Variants in IL6ST observed in about 807,000 individuals in gnomAD.
IL6ST encodes interleukin-6 receptor subunit beta.
A neutral mutation model predicts 91.3 loss-of-function variants in IL6ST; 24 were observed. The ratio of observed to expected loss-of-function variants is 0.26; its 90% CI spans 0.19 to 0.37. The LOEUF is 0.37. IL6ST is among the 10% of genes least tolerant of loss of function. IL6ST has a pLI of 1.00. For missense variants in IL6ST, 914 were observed against 1,078.5 expected, an observed-to-expected ratio of 0.85 and a Z score of 2.14; for synonymous variants, 351 against 373.6, an observed-to-expected ratio of 0.94 and a Z score of 0.70.
intron 7 of IL6ST, among the ~76,000 whole-genome samples, chr5:55,960,862 C>A (rs537572964): frequency 6.6e-6 from 1 of 152,188 alleles, no homozygotes; most frequent in East Asian, 1.9e-4. Flanking sequence ...AACTCCTGAC[C>A]TCAAGCAATC....
At chr5:55,974,123 T>G (rs1422421844) in intron 3 of IL6ST, among the ~76,000 whole-genome samples, 1 of 152,186 alleles carries the variant, frequency 6.6e-6, no homozygotes, top group Non-Finnish European at 1.5e-5. Flanking sequence ...GTTACGTAAC[T>G]TTATAAAAAT....
chr5:55,975,329 C>T (rs1397002530), intron 3 of IL6ST, among the ~76,000 whole-genome samples: 1 of 152,154 alleles, frequency 6.6e-6, no homozygotes, highest in Non-Finnish European at 1.5e-5. Context: ...CTTTCTCTCT[C>T]TCTTCCTCCT....
chr5:55,959,740 G>C (rs553373574), intron 8 of IL6ST: 2 of 715,554 alleles, frequency 2.8e-6, no homozygotes, highest in Non-Finnish European at 4.2e-6. Context: ...CTAAGGTGTA[G>C]TTTGCTAGAC....
At chr5:55,987,063 G>A (rs1754016479) in intron 1 of IL6ST, among the ~76,000 whole-genome samples, 1 of 152,218 alleles carries the variant, frequency 6.6e-6, no homozygotes, top group East Asian at 1.9e-4. Context: ...TACTCAGGAG[G>A]CTGAGGTGAG....
rs1485241905 is a variant in IL6ST at position 55,935,887 on chromosome 5, T to C, written c.*5195A>G. 2 of 218,682 alleles carry C rather than the reference T, an allele frequency of 9.1e-6. No individual in the cohort carries two copies. The highest frequency in any genetic ancestry group is 9.2e-6 in the Non-Finnish European group (1 of 109,048). The allele number at this position is 218,682 out of a possible 1,614,324, so 13.5% of individuals were successfully genotyped here. On this transcript the variant is annotated 3_prime_UTR_variant, in exon 17 of 17. Transcript: ENST00000381298. ...CTTTTCCAAAGCAGGATGGACTGTA[T>C]CTATCATACACATTAGGATAAGATG...
chr5:55,942,129 C>T (rs929087626), intron 16 of IL6ST, among the ~76,000 whole-genome samples: 1 of 152,106 alleles, frequency 6.6e-6, no homozygotes, highest in East Asian at 1.9e-4. Context: ...ACCTGAATGA[C>T]AGAGATTTTG....
intron 6 of IL6ST, 82 bp downstream of exon 6, chr5:55,964,064 A>T (rs1053404497): frequency 4.5e-6 from 3 of 668,894 alleles, no homozygotes; most frequent in South Asian, 4.8e-5. Flanking sequence ...TTAAAATCTT[A>T]AAAAATCTAA....
chr5:55,944,851 A>T, intron 15 of IL6ST: 1 of 593,790 alleles, frequency 1.7e-6, no homozygotes, highest in Non-Finnish European at 3.1e-6. Flanking sequence ...GTCTCAATGG[A>T]TCTAGAACTT....
At chr5:55,991,498 T>C (rs527667100) in intron 1 of IL6ST, among the ~76,000 whole-genome samples, 2 of 152,152 alleles carry the variant, frequency 1.3e-5, no homozygotes, top group Non-Finnish European at 2.9e-5. Context: ...AATTTGGACA[T>C]TGATCACCTC....
intron 1 of IL6ST, 120 bp from the exon 2 acceptor site, chr5:55,982,931 A>T (rs1383978398): frequency 2.6e-6 from 1 of 383,754 alleles, no homozygotes; most frequent in African/African-American, 2.1e-5. Flanking sequence ...CCTACTTTAG[A>T]TATGTTCTGA....
intron 3 of IL6ST, among the ~76,000 whole-genome samples, chr5:55,970,371 C>A (rs1752892126): frequency 1.3e-5 from 2 of 152,052 alleles, no homozygotes; most frequent in Admixed American, 1.3e-4. Flanking sequence ...AACAAGATGG[C>A]CAAATAGTTT....
intron 14 of IL6ST, among the ~76,000 whole-genome samples, chr5:55,950,615 T>A (rs1388048528): frequency 6.8e-6 from 1 of 146,314 alleles, no homozygotes; most frequent in African/African-American, 2.5e-5. Flanking sequence ...CTCAGGAGAC[T>A]GTGCTAGCAG....
intron 5 of IL6ST, among the ~76,000 whole-genome samples, chr5:55,967,545 C>T (rs11739016): frequency 0.12 from 18,497 of 151,406 alleles, 1,217 homozygotes; most frequent in Middle Eastern, 0.15. Flanking sequence ...GAAATCAACA[C>T]TAACTGAAAA....
chr5:55,951,058 G>A (rs1182216964), intron 14 of IL6ST, among the ~76,000 whole-genome samples: 2 of 152,144 alleles, frequency 1.3e-5, no homozygotes, highest in African/African-American at 2.4e-5. Flanking sequence ...TGCAGGGGTG[G>A]GGTAGGACCC....
chr5:55,986,473 G>C (rs957127778), intron 1 of IL6ST, among the ~76,000 whole-genome samples: 2 of 152,072 alleles, frequency 1.3e-5, no homozygotes, highest in Non-Finnish European at 2.9e-5. Flanking sequence ...TCATATTTAA[G>C]TGGCATCTTT....
chr5:55,962,495 C>T (rs1752378456), intron 7 of IL6ST, among the ~76,000 whole-genome samples: 1 of 152,160 alleles, frequency 6.6e-6, no homozygotes, highest in Admixed American at 6.5e-5. Context: ...TACAAGCTCC[C>T]TATCAATCCC....
rs1247586811 is a variant in IL6ST at position 55,941,602 on chromosome 5, T to C, written c.2237A>G (p.Glu746Gly). 2 of 1,614,188 alleles carry C rather than the reference T, an allele frequency of 1.2e-6. No individual in the cohort carries two copies. The highest frequency in any genetic ancestry group is 4.5e-5 in the East Asian group (2 of 44,892). ...CGAAGTGTTTTGTGAAGATTCATTT[T>C]CATCACTGCTAGAAATGCTTGGCCT... ...SSRPSISSSD[E>G]NESSQNTSST... Residue 746 changes from glutamate (E) to glycine (G), a missense_variant, in exon 17 of 17, where the codon GAA (glutamate) becomes GGA (glycine). Glu to Gly is a moderately conservative substitution (Grantham distance 98). Coordinates refer to ENST00000381298, the MANE Select transcript of IL6ST (RefSeq NM_002184.4).
At position 55,960,493 on chromosome 5, in the gene IL6ST, T is replaced by C. The variant is rs1752246583; in HGVS notation, c.882A>G (p.Glu294=). Reference sequence around the variant, plus strand: ...TCATACAGCGAATCCTAAACACATATTCTGTAAAAGGTTTAAGGTCTTGGA... The same window carrying C: ...TCATACAGCGAATCCTAAACACATACTCTGTAAAAGGTTTAAGGTCTTGGA... ...FTVQDLKPFT[E]YVFRIRCMKE... is the part of the protein sequence containing the mutation. The change falls in exon 8 of 17, where the codon GAA becomes GAG. Residue 294 remains glutamate, a synonymous_variant. Transcript: ENST00000381298. 15 of 1,613,994 alleles carry C rather than the reference T, an allele frequency of 9.3e-6. No individual in the cohort carries two copies. The highest frequency in any genetic ancestry group is 1.3e-5 in the African/African-American group (1 of 75,046).
At chr5:55,965,142 T>C (rs1414459925) in intron 5 of IL6ST, among the ~76,000 whole-genome samples, 3 of 152,178 alleles carry the variant, frequency 2.0e-5, no homozygotes, top group Non-Finnish European at 4.4e-5. Context: ...AAAAGAACTA[T>C]TCCAAGTAAC....
Sources: allele counts gnomAD v4.1 joint callset (sites outside exome capture counted in the v4.1 genomes callset), GRCh38; gene constraint gnomAD v4.1.1; transcripts MANE v1.5; gene names NCBI Gene and HGNC (gene_info 2026-07-23, HGNC 2026-07-21).